SYN3: variants seen among roughly 807,000 people sequenced by gnomAD.
SYN3 encodes the protein synapsin-3.
In SYN3, 35 loss-of-function variants were observed where a neutral mutation model predicts 65.8. That is an observed-to-expected ratio of 0.53 (90% CI 0.41 to 0.70). The LOEUF is 0.70. SYN3 is among the 30% of genes least tolerant of loss of function. SYN3 has a pLI of 0.00. For synonymous variants in SYN3, 270 were observed against 292.9 expected (o/e 0.92, Z 0.80); for missense variants, 680 against 749.0 (o/e 0.91, Z 1.08).
At chr22:32,525,668 G>A (rs925662122) in intron 12 of SYN3, among the ~76,000 whole-genome samples, 13 of 147,682 alleles carry the variant, frequency 8.8e-5, no homozygotes, top group South Asian at 4.3e-4. Flanking sequence ...CGGAGATCAC[G>A]CCATAGCACT....
At chr22:33,031,504 T>A (rs1483836014) in intron 1 of SYN3, among the ~76,000 whole-genome samples, 1 of 151,994 alleles carries the variant, frequency 6.6e-6, no homozygotes, top group East Asian at 1.9e-4. Context: ...AAGGCAGCTC[T>A]CCTTTGGTTT....
At chr22:32,844,707 TCTTC>T (rs1285586377) in intron 6 of SYN3, among the ~76,000 whole-genome samples, 5 of 151,788 alleles carry the variant, frequency 3.3e-5, no homozygotes, top group Admixed American at 3.3e-4. Context: ...TGTTTCTTCT[TCTTC>T]CTTTTTTTTT....
intron 4 of SYN3, among the ~76,000 whole-genome samples, chr22:32,927,414 A>AT (rs5845053): frequency 0.51 from 77,452 of 151,148 alleles, 20,670 homozygotes; most frequent in Non-Finnish European, 0.59. Context: ...GATTTCTGCT[A>AT]TTTTTTTGTA....
rs1215501987 is a variant in SYN3, at chr22:32,858,727, A to C, written c.711+6188T>G. Among the ~76,000 whole-genome samples the C allele has an allele frequency of 2.0e-5, 3 of 152,276 alleles. No individual in the cohort carries two copies. In the South Asian group the frequency reaches 6.2e-4, roughly 32 times the overall value. The stretch of plus-strand genomic sequence containing the variant: ...CTATGATCTCCATTCTGCAGATGAG[A>C]GCTCAGAGAACTTAAGTAACTAGCC... On this transcript the variant is annotated intron_variant, in intron 6 of 13. Transcript: ENST00000358763.
intron 6 of SYN3, among the ~76,000 whole-genome samples, chr22:32,790,961 T>C (rs2046312448): frequency 6.6e-6 from 1 of 152,150 alleles, no homozygotes; most frequent in African/African-American, 2.4e-5. Context: ...ACATTTAGTG[T>C]TCACAAAATC....
At chr22:32,519,258 GAC>G (rs1271268789) in intron 12 of SYN3, 2 of 151,922 alleles carry the variant, frequency 1.3e-5, no homozygotes, top group African/African-American at 2.4e-5. Flanking sequence ...TGAGTAATGA[GAC>G]ACTAAATAAT....
chr22:32,550,407 C>T (rs993065418), intron 7 of SYN3, among the ~76,000 whole-genome samples: 12 of 150,100 alleles, frequency 8.0e-5, no homozygotes, highest in Non-Finnish European at 3.0e-5. Flanking sequence ...CTATATATCC[C>T]TAGCAGAAAA....
intron 6 of SYN3, among the ~76,000 whole-genome samples, chr22:32,731,722 C>T (rs1200470037): frequency 6.6e-6 from 1 of 152,120 alleles, no homozygotes; most frequent in Non-Finnish European, 1.5e-5. Flanking sequence ...CTAAATCCTC[C>T]ACGGTTAATG....
chr22:32,875,327 C>T (rs912905881), intron 4 of SYN3, among the ~76,000 whole-genome samples: 10 of 152,324 alleles, frequency 6.6e-5, no homozygotes, highest in South Asian at 2.1e-4. Context: ...AACACAGACA[C>T]GAGTTGCTGG....
intron 6 of SYN3, among the ~76,000 whole-genome samples, chr22:32,719,741 G>C (rs1014329254): frequency 2.6e-5 from 4 of 152,152 alleles, no homozygotes; most frequent in African/African-American, 9.7e-5. Context: ...CCAGCTACTC[G>C]GGAGGCTGAG....
In SYN3 at chr22:32,956,313, G is replaced by A. The variant is rs557640835; in HGVS notation, c.369+24332C>T. Reference sequence around the variant, plus strand: ...TAGGATTACAGGTGCCCACCACCACGCCCAGCTAATTTTTGTATTTTTAGT... The same window carrying A: ...TAGGATTACAGGTGCCCACCACCACACCCAGCTAATTTTTGTATTTTTAGT... On this transcript the variant is annotated intron_variant, in intron 3 of 13. Transcript: ENST00000358763. Among the ~76,000 whole-genome samples the A allele has an allele frequency of 2.0e-4, 30 of 151,664 alleles. No individual in the cohort carries two copies. The South Asian group carries it at 5.4e-3, about 27-fold the overall frequency.
At chr22:32,807,713 A>G (rs1381465625) in intron 6 of SYN3, among the ~76,000 whole-genome samples, 1 of 151,206 alleles carries the variant, frequency 6.6e-6, no homozygotes, top group Admixed American at 6.6e-5. Flanking sequence ...AATATATTTA[A>G]CAACTATACT....
intron 6 of SYN3, among the ~76,000 whole-genome samples, chr22:32,691,644 T>C (rs1476549579): frequency 2.0e-5 from 3 of 151,476 alleles, no homozygotes; most frequent in African/African-American, 7.3e-5. Context: ...CAGAGGAGAA[T>C]GAGAGCAAAG....
intron 11 of SYN3, 120 bp from the exon 12 acceptor site, chr22:32,528,125 T>A (rs914625224): frequency 4.6e-5 from 37 of 804,318 alleles, no homozygotes; most frequent in Non-Finnish European, 6.9e-5. Context: ...ACATAAAGTG[T>A]ACAGTTCTGG....
At chr22:32,538,340 C>T (rs1055774640) in intron 8 of SYN3, among the ~76,000 whole-genome samples, 1 of 152,166 alleles carries the variant, frequency 6.6e-6, no homozygotes, top group African/African-American at 2.4e-5. Context: ...TCTAAGTCAT[C>T]TTTGAAATTG....
chr22:32,870,298 T>C (rs1489327910), intron 4 of SYN3, among the ~76,000 whole-genome samples: 1 of 148,722 alleles, frequency 6.7e-6, no homozygotes, highest in Non-Finnish European at 1.5e-5. Flanking sequence ...TAATATGCAT[T>C]CACATTCATA....
intron 6 of SYN3, among the ~76,000 whole-genome samples, chr22:32,833,578 T>C (rs1336593125): frequency 2.0e-4 from 31 of 152,224 alleles, no homozygotes. Flanking sequence ...CTAAAGTCTG[T>C]GGCCTGTGAA....
chr22:32,961,154 C>T (rs2051637714), intron 3 of SYN3, among the ~76,000 whole-genome samples: 3 of 152,130 alleles, frequency 2.0e-5, no homozygotes, highest in Admixed American at 2.0e-4. Flanking sequence ...CTGGCCTCTG[C>T]CCACAGGTGT....
At chr22:32,720,405 A>G (rs2061100275) in intron 6 of SYN3, among the ~76,000 whole-genome samples, 1 of 152,234 alleles carries the variant, frequency 6.6e-6, no homozygotes, top group South Asian at 2.1e-4. Flanking sequence ...GGTGCTGGTT[A>G]CGGTGGAGGA....
Sources: allele counts gnomAD v4.1 joint callset (sites outside exome capture counted in the v4.1 genomes callset), GRCh38; gene constraint gnomAD v4.1.1; transcripts MANE v1.5; gene names NCBI Gene and HGNC (gene_info 2026-07-23, HGNC 2026-07-21).